Variants in ABAT observed in about 807,000 individuals in gnomAD.
The protein encoded by ABAT is 4-aminobutyrate aminotransferase.
In ABAT, 45 loss-of-function variants were observed where a neutral mutation model predicts 64.6. The observed-to-expected ratio is 0.70, with a 90% CI of 0.55 to 0.89. The LOEUF is 0.89. Ranked by LOEUF, ABAT falls within the 40% of genes least tolerant of loss-of-function variation. The pLI is 0.00. For synonymous variants in ABAT, 297 were observed against 250.5 expected (o/e 1.19, Z -1.75); for missense variants, 633 against 658.4 (o/e 0.96, Z 0.42).
intron 6 of ABAT, among the ~76,000 whole-genome samples, chr16:8,759,702 TTTG>T (rs1286069804): frequency 6.6e-6 from 1 of 151,962 alleles, no homozygotes; most frequent in Non-Finnish European, 1.5e-5. Context: ...TGTTGGTTTG[TTTG>T]TTGTTTTCTT....
intron 6 of ABAT, among the ~76,000 whole-genome samples, chr16:8,763,125 C>G (rs981908205): frequency 1.3e-5 from 2 of 150,602 alleles, no homozygotes; most frequent in East Asian, 3.9e-4. Flanking sequence ...AAAAAAAAGC[C>G]CTTCCAGGCA....
intron 1 of ABAT, among the ~76,000 whole-genome samples, chr16:8,709,793 T>C (rs184827704): frequency 1.3e-5 from 2 of 151,806 alleles, no homozygotes; most frequent in Non-Finnish European, 2.9e-5. Context: ...AGGGTAGCAG[T>C]ACTCCCTGTA....
At chr16:8,728,187 G>A (rs1731079) in intron 1 of ABAT, among the ~76,000 whole-genome samples, 148,171 of 152,316 alleles carry the variant, frequency 0.97, 72,110 homozygotes, top group East Asian at 1. Context: ...AATGAATGAC[G>A]TTAACTCTTC....
intron 5 of ABAT, among the ~76,000 whole-genome samples, chr16:8,756,069 C>T (rs2059641426): frequency 6.6e-6 from 1 of 151,688 alleles, no homozygotes; most frequent in African/African-American, 2.4e-5. Context: ...CAAAATTAGC[C>T]AGGCATGGTG....
At chr16:8,742,131 CG>C (rs1324199125) in intron 2 of ABAT, among the ~76,000 whole-genome samples, 1 of 152,190 alleles carries the variant, frequency 6.6e-6, no homozygotes, top group Non-Finnish European at 1.5e-5. Context: ...TGCCCCATAG[CG>C]CCCAGTTAGC....
intron 1 of ABAT, among the ~76,000 whole-genome samples, chr16:8,700,358 C>G (rs557249893): frequency 1.3e-5 from 2 of 152,280 alleles, no homozygotes; most frequent in African/African-American, 2.4e-5. Flanking sequence ...GTGCACTAAA[C>G]TTACATACGC....
In ABAT at chr16:8,684,080, T is replaced by G. The variant is rs569807499; in HGVS notation, c.-42+9369T>G. Among the ~76,000 whole-genome samples, 7 of 151,720 alleles carry G rather than the reference T, an allele frequency of 4.6e-5. No homozygotes were observed. The East Asian group carries it at 1.4e-3, about 29-fold the overall frequency. The stretch of plus-strand genomic sequence containing the variant: ...AACAAGGACCACACAGTGAGGAGAG[T>G]GCCGAAGGTGTGTGGGAGTGAATAC... On this transcript the variant is annotated intron_variant, in intron 1 of 15. Coordinates refer to ENST00000268251, the MANE Select transcript of ABAT (RefSeq NM_020686.6).
rs1208865817 is a variant in ABAT at position 8,710,688 on chromosome 16, GAGAGAC to G, written c.-41-25005_-41-25000del. On this transcript the variant is annotated intron_variant, in intron 1 of 15. Transcript: ENST00000268251. ...CCAGGAGGTTAAGGCTGCACTGAGA[GAGAGAC>G]AGAGAGAGAGAGAGAGAGAGAGAGA... Among the ~76,000 whole-genome samples, 47 of 86,714 alleles carry G rather than the reference GAGAGAC, an allele frequency of 5.4e-4. 1 individual carries two copies. The highest frequency in any genetic ancestry group is 1.4e-3 in the African/African-American group (32 of 23,686). The allele number at this position is 86,714 out of a possible 152,430, so 56.9% of individuals were successfully genotyped here.
intron 1 of ABAT, among the ~76,000 whole-genome samples, chr16:8,679,962 A>G (rs181571722): frequency 1.9e-3 from 292 of 152,198 alleles, no homozygotes; most frequent in African/African-American, 6.5e-3. Flanking sequence ...CAGGGATGGG[A>G]TGGCATCATG....
At position 8,776,251 on chromosome 16, in the gene ABAT, C is replaced by T. The variant is rs1225279970; in HGVS notation, c.1123-93C>T. ...GATGCCCACTAGATTAGTTTCTCTC[C>T]TCTTCAAGAGAGGAGGCGGGGCGCC... On this transcript the variant is annotated intron_variant, in intron 13 of 15. Coordinates refer to ENST00000268251, the MANE Select transcript of ABAT (RefSeq NM_020686.6). This position sits in a 1 kb window ranked among gnomAD's most constrained non-coding sequence, Gnocchi z 4.4. 1.9e-6 allele frequency: 3 copies of T among 1,572,086 alleles called. No individual in the cohort carries two copies. The highest frequency in any genetic ancestry group is 1.7e-5 in the Admixed American group (1 of 59,776).
At chr16:8,678,317 T>C (rs558628585) in intron 1 of ABAT, among the ~76,000 whole-genome samples, 32 of 152,212 alleles carry the variant, frequency 2.1e-4, no homozygotes, top group African/African-American at 7.7e-4. Flanking sequence ...AGCACTGGGG[T>C]TACAAGTGTG....
At chr16:8,721,896 G>A (rs1465406219) in intron 1 of ABAT, among the ~76,000 whole-genome samples, 2 of 152,342 alleles carry the variant, frequency 1.3e-5, no homozygotes, top group Admixed American at 6.5e-5. Flanking sequence ...GGACTGAAGA[G>A]CTCACTATCT....
At chr16:8,751,539 G>A (rs1341668186) in intron 5 of ABAT, among the ~76,000 whole-genome samples, 1 of 152,166 alleles carries the variant, frequency 6.6e-6, no homozygotes. Context: ...TCGGGCTCTG[G>A]TGCATACACC....
chr16:8,690,163 C>T (rs1432948446), intron 1 of ABAT, among the ~76,000 whole-genome samples: 1 of 152,200 alleles, frequency 6.6e-6, no homozygotes, highest in Non-Finnish European at 1.5e-5. Context: ...AACAGTTTTA[C>T]TGTGCAGTCA....
intron 8 of ABAT, among the ~76,000 whole-genome samples, chr16:8,765,441 A>G (rs2059916811): frequency 6.6e-6 from 1 of 152,114 alleles, no homozygotes; most frequent in Non-Finnish European, 1.5e-5. Context: ...AGGCAGGCAG[A>G]TCACTTGAGT....
intron 1 of ABAT, among the ~76,000 whole-genome samples, chr16:8,702,833 A>G (rs866813077): frequency 6.2e-4 from 95 of 152,242 alleles, no homozygotes; most frequent in African/African-American, 2.2e-3. Context: ...TTGATTGCAC[A>G]CAGACCACAG....
intron 1 of ABAT, among the ~76,000 whole-genome samples, chr16:8,675,372 G>A (rs963371274): frequency 1.3e-5 from 2 of 152,040 alleles, no homozygotes; most frequent in African/African-American, 2.4e-5. Flanking sequence ...CAGTAAAGAT[G>A]TAAAATGAGG....
At chr16:8,718,754 G>T (rs1030783373) in intron 1 of ABAT, among the ~76,000 whole-genome samples, 1 of 152,208 alleles carries the variant, frequency 6.6e-6, no homozygotes, top group African/African-American at 2.4e-5. Flanking sequence ...ATAAGACGGT[G>T]TATGTGAAAC....
chr16:8,768,982 C>A lies in ABAT; in HGVS notation c.816+9C>A. 6.2e-7 allele frequency: 1 copy of A among 1,614,034 alleles called. No individual in the cohort carries two copies. Among genetic ancestry groups the A allele is most frequent in the South Asian group, 1.1e-5 (1 of 91,062 alleles). ...CCCGCTGTCTGGAAGAGGTAATGCT[C>A]ATACCCTGCGGATCCTCCCCAACCA... On this transcript the variant is annotated intron_variant, in intron 11 of 15. Coordinates refer to ENST00000268251, the MANE Select transcript of ABAT (RefSeq NM_020686.6).
Sources: allele counts gnomAD v4.1 joint callset (sites outside exome capture counted in the v4.1 genomes callset), GRCh38; gene constraint gnomAD v4.1.1; non-coding constraint Gnocchi (gnomAD v3.1); transcripts MANE v1.5; gene names NCBI Gene and HGNC (gene_info 2026-07-23, HGNC 2026-07-21).